IL1RAP: variants seen among roughly 807,000 people sequenced by gnomAD.
The protein encoded by IL1RAP is interleukin 1 receptor accessory protein.
In IL1RAP, 35 loss-of-function variants were observed where a neutral mutation model predicts 60.7. The ratio of observed to expected loss-of-function variants is 0.58; its 90% confidence interval spans 0.44 to 0.76. IL1RAP has a LOEUF of 0.76. Ranked by LOEUF, IL1RAP falls within the 30% of genes least tolerant of loss-of-function variation. The pLI is 0.00. For synonymous variants in IL1RAP, 268 were observed against 250.9 expected, an observed-to-expected ratio of 1.07 and a Z score of -0.64; for missense variants, 572 against 693.9, an observed-to-expected ratio of 0.82 and a Z score of 1.97.
In IL1RAP at chr3:190,627,445, G is replaced by A; in HGVS notation, c.898G>A (p.Glu300Lys). 6.2e-6 allele frequency: 10 copies of A among 1,610,826 alleles called. No homozygotes were observed. Among genetic ancestry groups the A allele is most frequent in the Non-Finnish European group, 8.5e-6 (10 of 1,178,830 alleles). Residue 300 changes from glutamate to lysine, a missense_variant, in exon 8 of 12, where the codon GAA becomes AAA. Coordinates refer to ENST00000447382, the MANE Select transcript of IL1RAP (RefSeq NM_002182.4). ...DDITIDVTINESISHSRTEDE... is the reference protein window; with the variant it reads ...DDITIDVTINKSISHSRTEDE... ...CATCACTATTGATGTCACCATTAAC[G>A]AAAGGTATCATGGGGGCCAGCAAGG...
intron 3 of IL1RAP, among the ~76,000 whole-genome samples, chr3:190,572,642 T>C (rs1171043368): frequency 6.6e-6 from 1 of 152,120 alleles, no homozygotes; most frequent in Admixed American, 6.5e-5. Context: ...TACTCCCCCC[T>C]TTTTTTCCTG....
chr3:190,552,140 G>T (rs535568879), intron 1 of IL1RAP, among the ~76,000 whole-genome samples: 1 of 152,274 alleles, frequency 6.6e-6, no homozygotes, highest in Non-Finnish European at 1.5e-5. Context: ...AGCCTGATAA[G>T]TATGTAAGAA....
chr3:190,571,120 GA>G (rs569799052), intron 3 of IL1RAP, among the ~76,000 whole-genome samples: 26 of 152,030 alleles, frequency 1.7e-4, no homozygotes, highest in Admixed American at 5.9e-4. Flanking sequence ...CATCGATCAT[GA>G]TTTTTTTTAT....
At chr3:190,559,008 T>C (rs1725664547) in intron 2 of IL1RAP, among the ~76,000 whole-genome samples, 1 of 152,214 alleles carries the variant, frequency 6.6e-6, no homozygotes, top group East Asian at 1.9e-4. Flanking sequence ...AATGATGGTG[T>C]CAGCAGTATT....
At chr3:190,565,993 TTCC>T (rs1266240410) in intron 3 of IL1RAP, among the ~76,000 whole-genome samples, 1 of 151,884 alleles carries the variant, frequency 6.6e-6, no homozygotes, top group Non-Finnish European at 1.5e-5. Context: ...CTTCTCTTGT[TTCC>T]TCCTCCTTTT....
intron 3 of IL1RAP, among the ~76,000 whole-genome samples, chr3:190,584,855 T>C (rs1728313117): frequency 6.6e-6 from 1 of 152,238 alleles, no homozygotes; most frequent in Non-Finnish European, 1.5e-5. Flanking sequence ...CTATAGTCTC[T>C]TAGGTCTACT....
At chr3:190,600,698 C>T (rs1229466252) in intron 3 of IL1RAP, among the ~76,000 whole-genome samples, 7 of 152,308 alleles carry the variant, frequency 4.6e-5, no homozygotes, top group East Asian at 1.9e-4. Context: ...CATGGCCGCT[C>T]CTTACTTCAG....
chr3:190,629,235 T>C, intron 8 of IL1RAP, 115 bp from the exon 9 acceptor site: 1 of 673,672 alleles, frequency 1.5e-6, no homozygotes, highest in Non-Finnish European at 2.5e-6. Flanking sequence ...CTTATCAACC[T>C]TCCTCGCCCT....
intron 3 of IL1RAP, among the ~76,000 whole-genome samples, chr3:190,578,954 A>G (rs1727744725): frequency 6.6e-6 from 1 of 152,194 alleles, no homozygotes; most frequent in South Asian, 2.1e-4. Flanking sequence ...TGTGGGGAGT[A>G]TGGGAGCTAC....
In IL1RAP at chr3:190,620,385, T is replaced by C. The variant is rs1270526076; in HGVS notation, c.648T>C (p.Tyr216=). 6.2e-7 allele frequency: 1 copy of C among 1,612,868 alleles called. No homozygotes were observed. Among genetic ancestry groups the C allele is most frequent in the African/African-American group, 1.3e-5 (1 of 74,928 alleles). The change falls in exon 6 of 12, where the codon TAT becomes TAC. Residue 216 remains tyrosine (Y), a synonymous_variant. Coordinates refer to ENST00000447382, the MANE Select transcript of IL1RAP (RefSeq NM_002182.4). ...NNGNYTCVVT[Y]PENGRTFHLT... ...GAAATTACACATGTGTTGTTACATA[T>C]CCAGAAAATGGACGTACGTTTCATC... is the stretch of plus-strand genomic sequence containing the variant.
chr3:190,620,308 A>C lies in IL1RAP; in HGVS notation c.571A>C (p.Ile191Leu). The C allele has an allele frequency of 6.3e-7, 1 of 1,591,506 alleles. No individual in the cohort carries two copies. Among genetic ancestry groups the C allele is most frequent in the Non-Finnish European group, 8.6e-7 (1 of 1,163,022 alleles). The part of the protein sequence containing the change: ...CYKIQNFNNV[I>L]PEGMNLSFLI... ...TAAAATACAGAATTTTAATAATGTA[A>C]TACCCGAAGGTATGAACTTGAGTTT... The change falls in exon 6 of 12, where the codon ATA (isoleucine) becomes CTA (leucine). Residue 191 changes from isoleucine (I) to leucine (L), a missense_variant. Coordinates refer to ENST00000447382, the MANE Select transcript of IL1RAP (RefSeq NM_002182.4).
chr3:190,656,622 G>A (rs1271228511), exon 12 of IL1RAP: 1 of 1,431,084 alleles, frequency 7.0e-7, no homozygotes, highest in Non-Finnish European at 9.3e-7. Flanking sequence ...TGTGTGTGGT[G>A]GGTGGTGGCT....
At chr3:190,642,542 T>A (rs1402210225) in intron 9 of IL1RAP, 1 of 152,210 alleles carries the variant, frequency 6.6e-6, no homozygotes, top group Non-Finnish European at 1.5e-5. Context: ...TTCTAAGCTG[T>A]GTCTCAGCAA....
At chr3:190,617,010 A>G (rs1332710953) in intron 5 of IL1RAP, among the ~76,000 whole-genome samples, 3 of 152,234 alleles carry the variant, frequency 2.0e-5, no homozygotes, top group African/African-American at 7.2e-5. Context: ...AAGACAATAC[A>G]GGTGAGTTCT....
At chr3:190,541,425 A>G (rs1329806161) in intron 1 of IL1RAP, among the ~76,000 whole-genome samples, 1 of 152,162 alleles carries the variant, frequency 6.6e-6, no homozygotes, top group African/African-American at 2.4e-5. Flanking sequence ...TATGCTTCTT[A>G]GTTTTAATTT....
At chr3:190,547,913 G>T (rs1345915048) in intron 1 of IL1RAP, among the ~76,000 whole-genome samples, 2 of 152,188 alleles carry the variant, frequency 1.3e-5, no homozygotes, top group Non-Finnish European at 2.9e-5. Context: ...GAGCCCCTGG[G>T]TGTTGCAGGG....
At chr3:190,536,642 T>G (rs1407521599) in intron 1 of IL1RAP, among the ~76,000 whole-genome samples, 1 of 152,198 alleles carries the variant, frequency 6.6e-6, no homozygotes, top group Non-Finnish European at 1.5e-5. Context: ...TTAAATACAC[T>G]ATCATAAGCT....
Position 190,585,821 on chromosome 3 carries a change from A to G in IL1RAP, c.65-18307A>G, listed in dbSNP as rs1039837935. Among the ~76,000 whole-genome samples the G allele has an allele frequency of 5.3e-5, 8 of 152,238 alleles. No homozygotes were observed. In the East Asian group the frequency reaches 5.8e-4, roughly 11 times the overall value. On this transcript the variant is annotated intron_variant, in intron 3 of 11. Transcript: ENST00000447382. Reference sequence around the variant, plus strand: ...AGTGAGACTCCAACTCCAAAAAAAAAGAAAAAAAGAAAAAAAAGTCACTTT... The same window carrying G: ...AGTGAGACTCCAACTCCAAAAAAAAGGAAAAAAAGAAAAAAAAGTCACTTT...
At chr3:190,626,431 T>C (rs898760800) in intron 7 of IL1RAP, among the ~76,000 whole-genome samples, 5 of 152,134 alleles carry the variant, frequency 3.3e-5, no homozygotes, top group African/African-American at 1.2e-4. Flanking sequence ...AGGGATAGCA[T>C]AGAGTTTTCT....
Sources: gnomAD v4.1 joint callset for allele counts (sites outside exome capture counted in the v4.1 genomes callset) on GRCh38, gnomAD v4.1.1 for gene constraint, MANE v1.5 for transcripts, NCBI Gene and HGNC (gene_info 2026-07-23, HGNC 2026-07-21) for gene names.